Variants in GPR176 observed in about 807,000 individuals in gnomAD.
The protein encoded by GPR176 is G-protein coupled receptor 176.
A neutral mutation model predicts 35.4 loss-of-function variants in GPR176; 26 were observed. The ratio of observed to expected loss-of-function variants is 0.74; its 90% CI spans 0.54 to 1.02. The LOEUF (loss-of-function observed/expected upper bound fraction) is 1.02. Among genes scored for constraint, GPR176 ranks in the 50% least tolerant of loss-of-function variants. The probability of loss-of-function intolerance (pLI) is 0.00; values close to 1 mark genes in which losing one functional copy is unlikely to be tolerated. For synonymous variants in GPR176, 278 were observed against 271.3 expected, an observed-to-expected ratio of 1.02 and a Z score of -0.24; for missense variants, 597 against 665.3, an observed-to-expected ratio of 0.90 and a Z score of 1.13.
intron 1 of GPR176, among the ~76,000 whole-genome samples, chr15:39,870,812 G>A (rs575852205): frequency 2.6e-5 from 4 of 152,232 alleles, no homozygotes; most frequent in African/African-American, 7.2e-5. Context: ...CTCTCACTAC[G>A]AACTGAGGAA....
chr15:39,838,630 C>T (rs1901554577), intron 1 of GPR176, among the ~76,000 whole-genome samples: 2 of 152,132 alleles, frequency 1.3e-5, no homozygotes, highest in South Asian at 2.1e-4. Flanking sequence ...CAAAATTCAA[C>T]AGCCCTTCAT....
intron 1 of GPR176, among the ~76,000 whole-genome samples, chr15:39,885,255 A>C (rs111909105): frequency 3.9e-4 from 60 of 152,328 alleles, no homozygotes; most frequent in African/African-American, 1.3e-3. Context: ...TGAGGGAATC[A>C]AGCTAACCCT....
intron 1 of GPR176, among the ~76,000 whole-genome samples, chr15:39,874,313 T>C (rs2032159869): frequency 6.6e-6 from 1 of 152,238 alleles, no homozygotes; most frequent in Non-Finnish European, 1.5e-5. Flanking sequence ...ACATCTCACA[T>C]GGATGATCTG....
intron 1 of GPR176, among the ~76,000 whole-genome samples, chr15:39,913,232 G>C (rs1315628083): frequency 6.6e-6 from 1 of 152,152 alleles, no homozygotes; most frequent in Non-Finnish European, 1.5e-5. Flanking sequence ...CAGATCTATG[G>C]AACAGGTAAA....
At chr15:39,829,263 C>A in intron 1 of GPR176, 2 of 1,450,324 alleles carry the variant, frequency 1.4e-6, no homozygotes, top group Non-Finnish European at 1.8e-6. Flanking sequence ...CACTTGGACT[C>A]GGGCATCAGA....
intron 1 of GPR176, among the ~76,000 whole-genome samples, chr15:39,836,175 C>T (rs1476356618): frequency 6.6e-6 from 1 of 152,112 alleles, no homozygotes; most frequent in African/African-American, 2.4e-5. Context: ...TACTGGAAAA[C>T]ATACCAGGGT....
intron 1 of GPR176, among the ~76,000 whole-genome samples, chr15:39,826,061 C>T (rs901615681): frequency 2.0e-5 from 3 of 152,052 alleles, no homozygotes; most frequent in African/African-American, 7.2e-5. Context: ...GGGAAGAACC[C>T]CTAAGAGGGT....
chr15:39,919,959 G>C lies in GPR176; in HGVS notation c.68C>G (p.Ala23Gly). ...SEPHNASGAE[A>G]AGVNRSALGE... ...GAGCGCGCTGCGGTTCACACCCGCAGCCTCGGCGCCGGACGCGTTGTGCGG... is the reference window on the plus strand; with the variant it reads ...GAGCGCGCTGCGGTTCACACCCGCACCCTCGGCGCCGGACGCGTTGTGCGG... Residue 23 changes from alanine (A) to glycine (G), a missense_variant, in exon 1 of 3, where the codon GCT (alanine) becomes GGT (glycine). Physicochemically the swap from Ala to Gly is moderately conservative, Grantham distance 60. This residue lies in a region of GPR176 where 126 missense variants were observed against 112.4 expected (regional missense o/e 1.12). Transcript: ENST00000561100. 6.7e-7 allele frequency: 1 copy of C among 1,488,026 alleles called. No individual in the cohort carries two copies. Among genetic ancestry groups the C allele is most frequent in the Non-Finnish European group, 8.9e-7 (1 of 1,120,004 alleles). 92.2% of individuals were successfully genotyped at this position (1,488,026 alleles called of 1,614,324 possible).
chr15:39,872,067 G>A (rs1190501681), intron 1 of GPR176, among the ~76,000 whole-genome samples: 2 of 152,168 alleles, frequency 1.3e-5, no homozygotes. Context: ...AGGCTCTATA[G>A]AGAATACAAA....
chr15:39,903,756 T>C (rs2033346005), intron 1 of GPR176, among the ~76,000 whole-genome samples: 1 of 152,168 alleles, frequency 6.6e-6, no homozygotes, highest in East Asian at 1.9e-4. Flanking sequence ...GGGGGAAAAA[T>C]GCTTCTAAAT....
intron 2 of GPR176, among the ~76,000 whole-genome samples, chr15:39,806,509 G>A (rs1008137325): frequency 1.1e-4 from 17 of 152,306 alleles, no homozygotes; most frequent in African/African-American, 4.1e-4. Context: ...AATCACCACT[G>A]CAATATGAAG....
At chr15:39,810,871 G>A (rs1309216850) in intron 1 of GPR176, among the ~76,000 whole-genome samples, 1 of 152,182 alleles carries the variant, frequency 6.6e-6, no homozygotes, top group Non-Finnish European at 1.5e-5. Context: ...ACAAGTAACA[G>A]TAACCCCATA....
intron 1 of GPR176, among the ~76,000 whole-genome samples, chr15:39,858,274 C>T (rs180957173): frequency 2.0e-5 from 3 of 152,220 alleles, no homozygotes; most frequent in African/African-American, 7.2e-5. Context: ...CAATATTGCA[C>T]CAAGCATAAT....
At chr15:39,855,617 C>G (rs1049098977) in intron 1 of GPR176, among the ~76,000 whole-genome samples, 1 of 152,134 alleles carries the variant, frequency 6.6e-6, no homozygotes, top group African/African-American at 2.4e-5. Context: ...TTATAAAGGC[C>G]ACTAGAATAG....
chr15:39,845,776 T>C (rs1023370563), intron 1 of GPR176, among the ~76,000 whole-genome samples: 2 of 152,156 alleles, frequency 1.3e-5, no homozygotes, highest in African/African-American at 4.8e-5. Context: ...ACGAGCTTGG[T>C]GTTCTAGAAA....
intron 1 of GPR176, among the ~76,000 whole-genome samples, chr15:39,819,340 C>A (rs1900116593): frequency 6.6e-6 from 1 of 152,208 alleles, no homozygotes; most frequent in Admixed American, 6.5e-5. Flanking sequence ...TGGGTTATTT[C>A]TCCCCTTGCA....
chr15:39,914,052 C>T (rs1481805124), intron 1 of GPR176, among the ~76,000 whole-genome samples: 1 of 151,980 alleles, frequency 6.6e-6, no homozygotes, highest in East Asian at 1.9e-4. Flanking sequence ...TCTCAAAAAA[C>T]AAACAAACAA....
rs566667158 is a variant in GPR176, at chr15:39,826,079, C to T, written c.173-18821G>A. 5.1e-4 allele frequency among the ~76,000 whole-genome samples: 78 copies of T among 152,136 alleles called. No homozygotes were observed. In the South Asian group the frequency reaches 0.015, roughly 28 times the overall value. ...AAGAACCCCTAAGAGGGTGTGAGCA[C>T]GCACTGCTCTGGGATGCCTATTTCA... On this transcript the variant is annotated intron_variant, in intron 1 of 2. Coordinates refer to ENST00000561100, the MANE Select transcript of GPR176 (RefSeq NM_007223.3).
intron 1 of GPR176, among the ~76,000 whole-genome samples, chr15:39,814,634 C>G (rs1445367589): frequency 6.6e-6 from 1 of 152,142 alleles, no homozygotes; most frequent in East Asian, 1.9e-4. Flanking sequence ...CAATTATGAG[C>G]TCATAGTCTG....
Sources: allele counts gnomAD v4.1 joint callset (sites outside exome capture counted in the v4.1 genomes callset), GRCh38; gene constraint gnomAD v4.1.1; regional missense constraint gnomAD v4.1.1; transcripts MANE v1.5; gene names NCBI Gene and HGNC (gene_info 2026-07-23, HGNC 2026-07-21).